RNF213: variants seen among roughly 807,000 people sequenced by gnomAD.
RNF213 encodes E3 ubiquitin-protein ligase RNF213.
In RNF213, 341 loss-of-function variants were observed where a neutral mutation model predicts 514.4. That is an observed-to-expected ratio of 0.66 (90% CI 0.61 to 0.73). RNF213 has a LOEUF of 0.73. RNF213 is among the 30% of genes least tolerant of loss of function. The pLI is 0.00. For synonymous variants in RNF213, 2,655 were observed against 2,658.2 expected (o/e 1.00, Z 0.04); for missense variants, 5,767 against 6,615.6 (o/e 0.87, Z 4.45).
intron 15 of RNF213, among the ~76,000 whole-genome samples, chr17:80,313,818 A>G (rs866420687): frequency 1.1e-3 from 43 of 37,564 alleles, no homozygotes; most frequent in Admixed American, 1.6e-3. Context: ...AATGGAGGTG[A>G]TGGTGGTGGT....
In RNF213 at chr17:80,320,047, G is replaced by T. The variant is rs28771970; in HGVS notation, c.3024+735G>T. 1.1e-4 allele frequency: 110 copies of T among 1,004,376 alleles called. No individual in the cohort carries two copies. In the African/African-American group the frequency reaches 1.8e-3, roughly 16 times the overall value. The allele number at this position is 1,004,376 out of a possible 1,614,324, so 62.2% of individuals were successfully genotyped here. ...TTGAGATATTGTTCGTATGCCATAC[G>T]GTACATCTGTCAAAAGTTCCAGTTC... On this transcript the variant is annotated intron_variant, in intron 17 of 67. Coordinates refer to ENST00000582970, the MANE Select transcript of RNF213 (RefSeq NM_001256071.3).
intron 52 of RNF213, 97 bp from the exon 53 acceptor site, chr17:80,376,785 C>A: frequency 8.5e-7 from 1 of 1,183,326 alleles, no homozygotes; most frequent in Non-Finnish European, 1.2e-6. Flanking sequence ...AGAAGGAAAG[C>A]AGAGTTCCCT....
rs748669195 is a variant in RNF213, at chr17:80,363,091, T to C, written c.11356-11T>C. 2 of 1,612,136 alleles carry C rather than the reference T, an allele frequency of 1.2e-6. No individual in the cohort carries two copies. Among genetic ancestry groups the C allele is most frequent in the Admixed American group, 3.3e-5 (2 of 60,024 alleles). ...TTAAAAATATATTCTAAAAGCTTTT[T>C]TGAATCCCAGTTTCTGCAGATGGCT... On this transcript the variant is annotated splice_polypyrimidine_tract_variant and intron_variant, in intron 39 of 67. Transcript: ENST00000582970.
chr17:80,376,099 A>G (rs940308179), intron 51 of RNF213, among the ~76,000 whole-genome samples: 1 of 152,214 alleles, frequency 6.6e-6, no homozygotes, highest in African/African-American at 2.4e-5. Context: ...ACAGAATAGA[A>G]TATCAAAATT....
At chr17:80,367,035 T>C (rs1262815115) in intron 42 of RNF213, among the ~76,000 whole-genome samples, 1 of 152,178 alleles carries the variant, frequency 6.6e-6, no homozygotes, top group Non-Finnish European at 1.5e-5. Context: ...CTGTCAGGAA[T>C]TGCAAAAAAC....
Position 80,273,233 on chromosome 17 carries a change from C to G in RNF213, c.98-8C>G. 6.2e-7 allele frequency: 1 copy of G among 1,613,372 alleles called. No homozygotes were observed. The highest frequency in any genetic ancestry group is 8.5e-7 in the Non-Finnish European group (1 of 1,179,852). On this transcript the variant is annotated splice_region_variant and splice_polypyrimidine_tract_variant and intron_variant, in intron 2 of 67. Transcript: ENST00000582970. ...GAGATCTGACCCTTCCTTCATCTGC[C>G]GTTACAGATTCTGAGAACAATAACT...
chr17:80,298,619 A>G, intron 11 of RNF213, 101 bp downstream of exon 11: 2 of 1,221,698 alleles, frequency 1.6e-6, no homozygotes. Context: ...TCCATTCCTG[A>G]TTCTAATGAC....
At chr17:80,303,866 G>A (rs1455367648) in intron 11 of RNF213, among the ~76,000 whole-genome samples, 12 of 151,084 alleles carry the variant, frequency 7.9e-5, no homozygotes. Context: ...CACCCACTGT[G>A]CCTGGCCAGC....
Position 80,337,587 on chromosome 17 carries a change from G to A in RNF213, c.4529G>A (p.Cys1510Tyr), listed in dbSNP as rs1314931644. 6.5e-7 allele frequency: 1 copy of A among 1,537,150 alleles called. No homozygotes were observed. The highest frequency in any genetic ancestry group is 1.4e-5 in the African/African-American group (1 of 73,042). ...TGTTCTCTCCTTTTGTCCCCATAGT[G>A]TGACTCCGCCAGGAACTTGGAATGG... is the stretch of plus-strand genomic sequence containing the variant. ...DKDQYLPRKL[C>Y]DSARNLEWLK... Residue 1510 changes from cysteine to tyrosine, a missense_variant and splice_region_variant, in exon 24 of 68, where the codon TGT (cysteine) becomes TAT (tyrosine). Coordinates refer to ENST00000582970, the MANE Select transcript of RNF213 (RefSeq NM_001256071.3).
chr17:80,367,923 T>A (rs1042675345), intron 43 of RNF213, 38 bp from the exon 44 acceptor site: 1 of 1,614,026 alleles, frequency 6.2e-7, no homozygotes, highest in South Asian at 1.1e-5. Flanking sequence ...CTGGCCAGTT[T>A]CTCTGCTTCA....
At chr17:80,319,085 A>G (rs2046048574) in intron 16 of RNF213, 105 bp from the exon 17 acceptor site, 1 of 1,607,534 alleles carries the variant, frequency 6.2e-7, no homozygotes, top group South Asian at 1.1e-5. Context: ...TGGGGGAAAC[A>G]GTAAAACAGC....
chr17:80,389,683 C>A (rs1408841700), intron 65 of RNF213, 145 bp from the exon 66 acceptor site: 2 of 764,226 alleles, frequency 2.6e-6, no homozygotes, highest in South Asian at 2.9e-5. Context: ...ACAGAGATGG[C>A]CTTCACAAGG....
chr17:80,338,942 C>A (rs2078066833), intron 25 of RNF213, among the ~76,000 whole-genome samples: 1 of 143,440 alleles, frequency 7.0e-6, no homozygotes, highest in Admixed American at 7.0e-5. Flanking sequence ...TGCAAGACTC[C>A]ATCTCAAAAA....
Position 80,332,418 on chromosome 17 carries a change from T to C in RNF213, c.3930T>C (p.Phe1310=), listed in dbSNP as rs2046440646. Residue 1310 remains phenylalanine, a synonymous_variant, in exon 21 of 68, where the codon TTT becomes TTC. Transcript: ENST00000582970. ...AGATTGATGTCATCTTCAAGGACTT[T>C]GTGAATAAATACACGGACCTGGATT... The part of the protein sequence containing the change: ...LAEIDVIFKD[F]VNKYTDLDSE... The C allele has an allele frequency of 1.3e-6, 2 of 1,537,074 alleles. No homozygotes were observed. The highest frequency in any genetic ancestry group is 2.7e-5 in the African/African-American group (2 of 73,058).
intron 3 of RNF213, among the ~76,000 whole-genome samples, chr17:80,280,682 T>C (rs1362638444): frequency 6.6e-6 from 1 of 152,088 alleles, no homozygotes; most frequent in African/African-American, 2.4e-5. Context: ...CTCAAACTCC[T>C]GGGCTCAAGC....
intron 14 of RNF213, among the ~76,000 whole-genome samples, chr17:80,310,688 G>T (rs568757273): frequency 2.6e-5 from 4 of 152,176 alleles, no homozygotes; most frequent in Non-Finnish European, 5.9e-5. Context: ...GAGTAGCTGG[G>T]ATTACAGGCA....
At position 80,306,246 on chromosome 17, in the gene RNF213, A is replaced by C; in HGVS notation, c.2211-6A>C. ...TCTTTTCTCCGTCCCTATTTCTCTT[A>C]TGCAGGAGTTCCCTACTTCAGTTTA... On this transcript the variant is annotated splice_region_variant and splice_polypyrimidine_tract_variant and intron_variant, in intron 11 of 67. Transcript: ENST00000582970. 6.2e-7 allele frequency: 1 copy of C among 1,613,828 alleles called. No individual in the cohort carries two copies. Among genetic ancestry groups the C allele is most frequent in the Admixed American group, 1.7e-5 (1 of 60,012 alleles).
rs1410218909 is a variant in RNF213 at position 80,393,388 on chromosome 17, G to A, written c.15514G>A (p.Glu5172Lys). The A allele has an allele frequency of 1.2e-6, 2 of 1,614,194 alleles. No individual in the cohort carries two copies. The highest frequency in any genetic ancestry group is 2.2e-5 in the South Asian group (2 of 91,086). Residue 5172 changes from glutamate (E) to lysine (K), a missense_variant, in exon 68 of 68, where the codon GAA (glutamate) becomes AAA (lysine). Coordinates refer to ENST00000582970, the MANE Select transcript of RNF213 (RefSeq NM_001256071.3). ...AAGTTACATGCAAACTAAAGAAAGT[G>A]AAATTCTTCCTGAAATGGCATCTCA... ...LVSYMQTKESEILPEMASQFP... is the reference protein window; with the variant it reads ...LVSYMQTKESKILPEMASQFP...
At chr17:80,380,721 T>G in intron 55 of RNF213, 110 bp from the exon 56 acceptor site, 3 of 1,280,106 alleles carry the variant, frequency 2.3e-6, no homozygotes, top group East Asian at 2.3e-5. Context: ...GCAAGTACTC[T>G]TCACATAACT....
Sources: gnomAD v4.1 joint callset for allele counts (sites outside exome capture counted in the v4.1 genomes callset) on GRCh38, gnomAD v4.1.1 for gene constraint, MANE v1.5 for transcripts, NCBI Gene and HGNC (gene_info 2026-07-23, HGNC 2026-07-21) for gene names.